Variants in CACNA2D3 observed in about 807,000 individuals in gnomAD.
CACNA2D3 encodes the protein voltage-dependent calcium channel subunit alpha-2/delta-3.
CACNA2D3 carries 60 observed loss-of-function variants against 160.6 expected under a neutral mutation model. The ratio of observed to expected loss-of-function variants is 0.37; its 90% confidence interval spans 0.30 to 0.46. The LOEUF is 0.46. Ranked by LOEUF, CACNA2D3 falls within the 20% of genes least tolerant of loss-of-function variation. The pLI, the probability that CACNA2D3 is intolerant of heterozygous loss-of-function variation, is 1.00. For missense variants in CACNA2D3, 1,205 were observed against 1,365.0 expected (o/e 0.88, Z 1.85); for synonymous variants, 558 against 492.9 (o/e 1.13, Z -1.75).
chr3:54,164,427 C>A (rs1700410487), intron 2 of CACNA2D3, among the ~76,000 whole-genome samples: 1 of 152,224 alleles, frequency 6.6e-6, no homozygotes, highest in Non-Finnish European at 1.5e-5. Flanking sequence ...GTCACAGCTG[C>A]CCTGAGCTCC....
At chr3:55,072,410 C>T (rs143431207) in intron 35 of CACNA2D3, among the ~76,000 whole-genome samples, 17 of 152,244 alleles carry the variant, frequency 1.1e-4, no homozygotes, top group East Asian at 3.9e-4. Context: ...TTCTTTATAA[C>T]GTCCCATAAA....
At chr3:55,053,757 C>G (rs888715707) in intron 35 of CACNA2D3, among the ~76,000 whole-genome samples, 4 of 151,922 alleles carry the variant, frequency 2.6e-5, no homozygotes, top group Non-Finnish European at 5.9e-5. Flanking sequence ...TCTTTAAAAT[C>G]TGGATGAATT....
chr3:54,417,574 A>C (rs1280422464), intron 4 of CACNA2D3, among the ~76,000 whole-genome samples: 1 of 152,206 alleles, frequency 6.6e-6, no homozygotes, highest in Non-Finnish European at 1.5e-5. Context: ...CAACTTCTAC[A>C]GATATAGCAT....
At chr3:54,347,653 C>G (rs903973153) in intron 3 of CACNA2D3, among the ~76,000 whole-genome samples, 1 of 150,378 alleles carries the variant, frequency 6.6e-6, no homozygotes, top group African/African-American at 2.4e-5. Context: ...TGTTGGTTGA[C>G]TTAAAAAAAA....
At chr3:54,156,714 C>T (rs888760225) in intron 2 of CACNA2D3, among the ~76,000 whole-genome samples, 3 of 152,158 alleles carry the variant, frequency 2.0e-5, no homozygotes, top group African/African-American at 7.2e-5. Flanking sequence ...GAAGCTGAAG[C>T]GCTGGACAAC....
intron 27 of CACNA2D3, among the ~76,000 whole-genome samples, chr3:54,941,028 G>C (rs574857845): frequency 1.8e-3 from 278 of 152,090 alleles, no homozygotes; most frequent in Non-Finnish European, 3.0e-3. Flanking sequence ...AGGCAATCCT[G>C]GTATGTTTCC....
At chr3:54,432,129 A>T (rs911491773) in intron 4 of CACNA2D3, among the ~76,000 whole-genome samples, 14 of 152,132 alleles carry the variant, frequency 9.2e-5, no homozygotes, top group Admixed American at 9.2e-4. Flanking sequence ...AAAACTGCAG[A>T]ATGCTTTGTA....
At chr3:54,729,398 A>T (rs1320782254) in intron 11 of CACNA2D3, among the ~76,000 whole-genome samples, 1 of 152,138 alleles carries the variant, frequency 6.6e-6, no homozygotes, top group Non-Finnish European at 1.5e-5. Flanking sequence ...CAGTATTAGG[A>T]TTCATCTGAC....
chr3:54,762,988 T>C (rs1702106857), intron 12 of CACNA2D3, among the ~76,000 whole-genome samples: 1 of 149,344 alleles, frequency 6.7e-6, no homozygotes, highest in Non-Finnish European at 1.5e-5. Context: ...CTCAGGAGGC[T>C]GAAGCAGGAG....
At chr3:54,303,020 ATCCTTTCC>A (rs2107491614) in intron 2 of CACNA2D3, among the ~76,000 whole-genome samples, 1 of 152,136 alleles carries the variant, frequency 6.6e-6, no homozygotes, top group East Asian at 1.9e-4. Context: ...CTGTGACCTC[ATCCTTTCC>A]GTTGTGGTAA....
intron 11 of CACNA2D3, among the ~76,000 whole-genome samples, chr3:54,733,224 C>T (rs1054315174): frequency 2.2e-4 from 33 of 152,312 alleles, no homozygotes; most frequent in East Asian, 1.9e-3. Flanking sequence ...TAAACAGGCA[C>T]CTCAGCAGCT....
chr3:54,581,972 G>C (rs543749447), intron 9 of CACNA2D3, 95 bp downstream of exon 9: 2 of 1,015,628 alleles, frequency 2.0e-6, no homozygotes, highest in South Asian at 3.2e-5. Context: ...CAAATGCACT[G>C]CCCTTTCATT....
intron 4 of CACNA2D3, among the ~76,000 whole-genome samples, chr3:54,501,896 A>T (rs1701300968): frequency 1.3e-5 from 2 of 152,108 alleles, no homozygotes; most frequent in Admixed American, 1.3e-4. Flanking sequence ...ATTTCATGGG[A>T]TACAGAATTC....
At chr3:54,172,292 C>A (rs1700588663) in intron 2 of CACNA2D3, among the ~76,000 whole-genome samples, 1 of 152,204 alleles carries the variant, frequency 6.6e-6, no homozygotes, top group Non-Finnish European at 1.5e-5. Flanking sequence ...TGTTTTCGGT[C>A]GAGCCTTTGA....
intron 4 of CACNA2D3, among the ~76,000 whole-genome samples, chr3:54,481,852 C>T (rs1466195367): frequency 6.6e-6 from 1 of 152,210 alleles, no homozygotes; most frequent in East Asian, 1.9e-4. Context: ...AATGTGCTCA[C>T]ACCACGTTAC....
In CACNA2D3 at chr3:54,602,497, C is replaced by CAAA. The variant is rs1156290031; in HGVS notation, c.963+20642_963+20644dup. 2.3e-3 allele frequency among the ~76,000 whole-genome samples: 163 copies of CAAA among 71,106 alleles called. 1 individual carries two copies. The highest frequency in any genetic ancestry group is 6.8e-3 in the African/African-American group (124 of 18,204). 46.6% of individuals were successfully genotyped at this position (71,106 alleles called of 152,430 possible). A position where few individuals can be genotyped will look rare whatever the true frequency, so the allele number is the denominator to read the frequency against. ...TGGGCGACAGAGCGAGATTCCATCT[C>CAAA]AAAAAAAAAAAAAAAAAAAAAAAAG... On this transcript the variant is annotated intron_variant, in intron 9 of 37. Coordinates refer to ENST00000474759, the MANE Select transcript of CACNA2D3 (RefSeq NM_018398.3).
intron 2 of CACNA2D3, among the ~76,000 whole-genome samples, chr3:54,293,389 A>G (rs62253247): frequency 0.2 from 31,128 of 151,938 alleles, 3,352 homozygotes; most frequent in South Asian, 0.25. Context: ...AGTCCATTAT[A>G]TCATTCTTAT....
chr3:54,507,607 A>G (rs1310543972), intron 5 of CACNA2D3, among the ~76,000 whole-genome samples: 3 of 152,198 alleles, frequency 2.0e-5, no homozygotes, highest in African/African-American at 7.2e-5. Flanking sequence ...CTTATAAGCA[A>G]CAGAAACAGA....
At chr3:54,666,529 A>T (rs143143371) in intron 11 of CACNA2D3, among the ~76,000 whole-genome samples, 33 of 152,332 alleles carry the variant, frequency 2.2e-4, no homozygotes, top group African/African-American at 7.7e-4. Flanking sequence ...CTCTGTGTGC[A>T]GAGATCTATC....
Sources: gnomAD v4.1 joint callset for allele counts (sites outside exome capture counted in the v4.1 genomes callset) on GRCh38, gnomAD v4.1.1 for gene constraint, MANE v1.5 for transcripts, NCBI Gene and HGNC (gene_info 2026-07-23, HGNC 2026-07-21) for gene names.